ADCYAP1R1: variants seen among roughly 807,000 people sequenced by gnomAD.
ADCYAP1R1 encodes the protein pituitary adenylate cyclase-activating polypeptide type I receptor.
A neutral mutation model predicts 67.6 loss-of-function variants in ADCYAP1R1; 44 were observed. The observed-to-expected ratio is 0.65, with a 90% CI of 0.51 to 0.84. The LOEUF (loss-of-function observed/expected upper bound fraction) is 0.84, where lower values mean the gene tolerates loss of function less well. Among genes scored for constraint, ADCYAP1R1 ranks in the 40% least tolerant of loss-of-function variants. The pLI is 0.00. For missense variants in ADCYAP1R1, 477 were observed against 587.9 expected, an observed-to-expected ratio of 0.81 and a Z score of 1.95; for synonymous variants, 222 against 219.6, an observed-to-expected ratio of 1.01 and a Z score of -0.10.
rs373755876 is a variant in ADCYAP1R1, at chr7:31,063,222, G to A, written c.-43G>A. On this transcript the variant is annotated 5_prime_UTR_variant, in exon 2 of 16. Transcript: ENST00000304166. ...AGAGACACATTGGGGCTGACCTGCC[G>A]CTGCTGTCAGTGGGAGGCCAGTGGT... 2.8e-5 allele frequency: 45 copies of A among 1,612,850 alleles called. No individual in the cohort carries two copies. The highest frequency in any genetic ancestry group is 1.5e-4 in the South Asian group (14 of 91,048).
chr7:31,106,134 T>G (rs1203822568), intron 15 of ADCYAP1R1, among the ~76,000 whole-genome samples: 3 of 152,242 alleles, frequency 2.0e-5, no homozygotes, highest in Non-Finnish European at 4.4e-5. Flanking sequence ...CTCTTACTGG[T>G]CAGCCAAGAG....
At chr7:31,103,599 C>G (rs1374117345) in intron 14 of ADCYAP1R1, among the ~76,000 whole-genome samples, 2 of 152,238 alleles carry the variant, frequency 1.3e-5, no homozygotes, top group Admixed American at 6.5e-5. Flanking sequence ...TCCTGGCCCC[C>G]ACCCTGGGTG....
At position 31,109,194 on chromosome 7, in the gene ADCYAP1R1, G is replaced by A. The variant is rs1414774502; in HGVS notation, c.*2510G>A. On this transcript the variant is annotated 3_prime_UTR_variant, in exon 16 of 16. Coordinates refer to ENST00000304166, the MANE Select transcript of ADCYAP1R1 (RefSeq NM_001118.5). ...GTGCCGGGTTCCTATTGGTTAGTTG[G>A]TTGTTTTTCCGTCTGAGTGAATTTT... 2 of 152,274 alleles carry A rather than the reference G, an allele frequency of 1.3e-5. No individual in the cohort carries two copies. Among genetic ancestry groups the A allele is most frequent in the Non-Finnish European group, 2.9e-5 (2 of 68,112 alleles). 9.4% of individuals were successfully genotyped at this position (152,274 alleles called of 1,614,324 possible). A position where few individuals can be genotyped will look rare whatever the true frequency, so the allele number is the denominator to read the frequency against.
At chr7:31,084,287 G>C in intron 7 of ADCYAP1R1, 37 bp downstream of exon 7, 1 of 1,586,812 alleles carries the variant, frequency 6.3e-7, no homozygotes, top group Non-Finnish European at 8.6e-7. Context: ...AGGTGGTGAG[G>C]GTAGGGCTGA....
chr7:31,087,612 C>T lies in ADCYAP1R1; in HGVS notation c.885-15C>T, dbSNP rs1297147976. ...CTCACAGACGTGATCTTGCTTCTCT[C>T]TGTCCATCTTTCAGCTGCTGGGATA... On this transcript the variant is annotated splice_polypyrimidine_tract_variant and intron_variant, in intron 11 of 15. Coordinates refer to ENST00000304166, the MANE Select transcript of ADCYAP1R1 (RefSeq NM_001118.5). 1 of 1,613,494 alleles carries T rather than the reference C, an allele frequency of 6.2e-7. No homozygotes were observed. The highest frequency in any genetic ancestry group is 1.7e-5 in the Admixed American group (1 of 59,964).
At position 31,085,346 on chromosome 7, in the gene ADCYAP1R1, C is replaced by T. The variant is rs1348233192; in HGVS notation, c.573C>T (p.Asn191=). The change falls in exon 9 of 16, where the codon AAC becomes AAT. Residue 191 remains asparagine (N), a synonymous_variant. Coordinates refer to ENST00000304166, the MANE Select transcript of ADCYAP1R1 (RefSeq NM_001118.5). The part of the protein sequence containing the change: ...LHCTRNFIHM[N]LFVSFMLRAI... ...GCACACGCAACTTCATCCACATGAACCTGTTTGTGTCGTTCATGCTGAGGG... is the reference window on the plus strand; with the variant it reads ...GCACACGCAACTTCATCCACATGAATCTGTTTGTGTCGTTCATGCTGAGGG... 6.2e-7 allele frequency: 1 copy of T among 1,614,070 alleles called. No individual in the cohort carries two copies. Among genetic ancestry groups the T allele is most frequent in the South Asian group, 1.1e-5 (1 of 91,084 alleles).
intron 3 of ADCYAP1R1, among the ~76,000 whole-genome samples, chr7:31,074,512 C>T (rs1318901238): frequency 6.6e-6 from 1 of 152,342 alleles, no homozygotes; most frequent in East Asian, 1.9e-4. Flanking sequence ...TGACCCTGCT[C>T]ATTCGCTCTG....
chr7:31,077,873 CTGTGTGTGGTGTCTGTGG>C, intron 3 of ADCYAP1R1, 100 bp from the exon 4 acceptor site: 4 of 568,942 alleles, frequency 7.0e-6, no homozygotes, highest in Non-Finnish European at 1.2e-5. Context: ...ATGTATGTTG[CTGTGTGTGGTGTCTGTGG>C]TGTGTGTGGT....
Position 31,102,738 on chromosome 7 carries a change from C to T in ADCYAP1R1, c.1047-499C>T, listed in dbSNP as rs1449812791. Among the ~76,000 whole-genome samples the T allele has an allele frequency of 1.3e-5, 2 of 152,158 alleles. No homozygotes were observed. Among genetic ancestry groups the T allele is most frequent in the Admixed American group, 6.5e-5 (1 of 15,280 alleles). On this transcript the variant is annotated intron_variant, in intron 13 of 15. Transcript: ENST00000304166. This position sits in a 1 kb window ranked among gnomAD's most constrained non-coding sequence, Gnocchi z 4.3. ...TCACTGAGCCTTTCCTCCCTCCCTGCCATCAGCACTTCCCCATCACTTGGT... is the reference window on the plus strand; with the variant it reads ...TCACTGAGCCTTTCCTCCCTCCCTGTCATCAGCACTTCCCCATCACTTGGT...
Position 31,052,342 on chromosome 7 carries a change from G to A in ADCYAP1R1, c.-408G>A, listed in dbSNP as rs1208189567. ...CAGCGCCCAGCCTGGCTTCGCGGCGGAGGCGGCGCCTCTCCCGCAGGACGG... is the reference window on the plus strand; with the variant it reads ...CAGCGCCCAGCCTGGCTTCGCGGCGAAGGCGGCGCCTCTCCCGCAGGACGG... On this transcript the variant is annotated 5_prime_UTR_variant, in exon 1 of 16. Transcript: ENST00000304166. 1 of 152,024 alleles carries A rather than the reference G, an allele frequency of 6.6e-6. No individual in the cohort carries two copies. Among genetic ancestry groups the A allele is most frequent in the African/African-American group, 2.4e-5 (1 of 41,432 alleles). The allele number at this position is 152,024 out of a possible 1,614,324, so 9.4% of individuals were successfully genotyped here. A position where few individuals can be genotyped will look rare whatever the true frequency, so the allele number is the denominator to read the frequency against.
At chr7:31,098,968 T>C (rs971945197) in intron 13 of ADCYAP1R1, among the ~76,000 whole-genome samples, 2 of 152,132 alleles carry the variant, frequency 1.3e-5, no homozygotes, top group African/African-American at 2.4e-5. Flanking sequence ...GTTAGTGAAG[T>C]AGCAAGTCTT....
chr7:31,074,472 C>A (rs145673953), intron 3 of ADCYAP1R1, among the ~76,000 whole-genome samples: 5 of 152,324 alleles, frequency 3.3e-5, no homozygotes, highest in Non-Finnish European at 7.4e-5. Flanking sequence ...CCCGCCCGAC[C>A]TCTGCAGCCC....
rs1796121279 is a variant in ADCYAP1R1, at chr7:31,094,766, T to C, written c.1046+2031T>C. ...AGTCTTGTTAGGTCTTCCTCATGCA[T>C]AGATAAGAGCTACCTGTAATTAGCA... On this transcript the variant is annotated intron_variant, in intron 13 of 15. Coordinates refer to ENST00000304166, the MANE Select transcript of ADCYAP1R1 (RefSeq NM_001118.5). Among the ~76,000 whole-genome samples, 6 of 152,234 alleles carry C rather than the reference T, an allele frequency of 3.9e-5. No individual in the cohort carries two copies. In the South Asian group the frequency reaches 1.2e-3, roughly 32 times the overall value.
intron 3 of ADCYAP1R1, among the ~76,000 whole-genome samples, chr7:31,068,929 C>T (rs907393919): frequency 3.9e-5 from 6 of 152,216 alleles, no homozygotes; most frequent in African/African-American, 1.2e-4. Context: ...AGCTGGGCTT[C>T]TTGGCTCCAA....
chr7:31,077,349 G>A (rs1795281479), intron 3 of ADCYAP1R1, among the ~76,000 whole-genome samples: 1 of 151,686 alleles, frequency 6.6e-6, no homozygotes, highest in Non-Finnish European at 1.5e-5. Flanking sequence ...TGATGTGAGT[G>A]GTGTGTGTGT....
At chr7:31,068,288 T>A (rs1397223484) in intron 3 of ADCYAP1R1, among the ~76,000 whole-genome samples, 2 of 152,212 alleles carry the variant, frequency 1.3e-5, no homozygotes, top group Non-Finnish European at 2.9e-5. Flanking sequence ...GGTAGAGTTT[T>A]ACCCCCACTT....
At chr7:31,082,426 T>G (rs1795552195) in intron 6 of ADCYAP1R1, among the ~76,000 whole-genome samples, 1 of 152,144 alleles carries the variant, frequency 6.6e-6, no homozygotes, top group South Asian at 2.1e-4. Context: ...CCACACTGTG[T>G]TATAAAAAGG....
chr7:31,066,738 C>G (rs1476932345), intron 3 of ADCYAP1R1, among the ~76,000 whole-genome samples: 1 of 152,198 alleles, frequency 6.6e-6, no homozygotes, highest in Non-Finnish European at 1.5e-5. Flanking sequence ...CCAGGCGATT[C>G]TAATGAGAAG....
chr7:31,090,553 C>T (rs1795923677), intron 12 of ADCYAP1R1, among the ~76,000 whole-genome samples: 2 of 152,176 alleles, frequency 1.3e-5, no homozygotes, highest in Non-Finnish European at 1.5e-5. Flanking sequence ...GTTAGTTTTT[C>T]ATCCCTTGCC....
Sources: allele counts gnomAD v4.1 joint callset (sites outside exome capture counted in the v4.1 genomes callset), GRCh38; gene constraint gnomAD v4.1.1; non-coding constraint Gnocchi (gnomAD v3.1); transcripts MANE v1.5; gene names NCBI Gene and HGNC (gene_info 2026-07-23, HGNC 2026-07-21).